Variants in NOX4 observed in about 807,000 individuals in gnomAD.
The protein encoded by NOX4 is NADPH oxidase 4, also known as kidney oxidase-1.
NOX4 carries 69 observed loss-of-function variants against 87.6 expected under a neutral mutation model. The ratio of observed to expected loss-of-function variants is 0.79; its 90% CI spans 0.65 to 0.96. The LOEUF is 0.96. NOX4 is among the 40% of genes least tolerant of loss of function. The pLI is 0.00. For missense variants in NOX4, 680 were observed against 681.5 expected (o/e 1.00, Z 0.02); for synonymous variants, 275 against 238.2 (o/e 1.15, Z -1.42).
intron 13 of NOX4, among the ~76,000 whole-genome samples, chr11:89,345,825 C>A (rs1946192920): frequency 6.6e-6 from 1 of 152,102 alleles, no homozygotes; most frequent in Non-Finnish European, 1.5e-5. Context: ...CTATGACAAA[C>A]CCACAACCAA....
the NOX4 span, among the ~76,000 whole-genome samples, chr11:89,513,022 A>G: frequency 1.3e-5 from 2 of 152,092 alleles, no homozygotes; most frequent in Non-Finnish European, 2.9e-5. Context: ...CTCTGAAACT[A>G]TAATATTTTC....
At chr11:89,568,319 A>G in the NOX4 span, among the ~76,000 whole-genome samples, 1 of 152,242 alleles carries the variant, frequency 6.6e-6, no homozygotes, top group East Asian at 1.9e-4. Flanking sequence ...CTTTGAAAGA[A>G]TAAGATTGAT....
chr11:89,384,376 A>G (rs1365873521), intron 11 of NOX4, among the ~76,000 whole-genome samples: 1 of 152,110 alleles, frequency 6.6e-6, no homozygotes, highest in Non-Finnish European at 1.5e-5. Flanking sequence ...GACAGCCCCC[A>G]TTACTTCCGT....
chr11:89,373,277 C>CAAAAAAA (rs144113376), intron 12 of NOX4, among the ~76,000 whole-genome samples, 155 bp downstream of exon 12: 17 of 59,078 alleles, frequency 2.9e-4, no homozygotes, highest in East Asian at 6.0e-4. Context: ...ACTGTACAAG[C>CAAAAAAA]AAAAAAAAAA....
the NOX4 span, among the ~76,000 whole-genome samples, chr11:89,584,897 C>A: frequency 6.6e-6 from 1 of 152,160 alleles, no homozygotes; most frequent in South Asian, 2.1e-4. Flanking sequence ...TGCTCATATA[C>A]AATGATTGTC....
intron 11 of NOX4, among the ~76,000 whole-genome samples, chr11:89,373,907 A>G (rs906608726): frequency 1.3e-5 from 2 of 151,974 alleles, no homozygotes; most frequent in African/African-American, 4.8e-5. Flanking sequence ...AATTCCAGGG[A>G]GAAAAAAATT....
chr11:89,587,526 A>C, the NOX4 span, among the ~76,000 whole-genome samples: 1 of 152,038 alleles, frequency 6.6e-6, no homozygotes, highest in Non-Finnish European at 1.5e-5. Context: ...GAGGAAAACT[A>C]CCAGGGCATA....
chr11:89,480,759 A>T (rs1946362782), intron 2 of NOX4, among the ~76,000 whole-genome samples: 1 of 152,138 alleles, frequency 6.6e-6, no homozygotes, highest in Admixed American at 6.6e-5. Flanking sequence ...AAAGATTGCA[A>T]TGAAAGCTAG....
At chr11:89,461,652 A>AAATAAATAAATAAATAAATG (rs1168018333) in intron 2 of NOX4, among the ~76,000 whole-genome samples, 21 of 151,536 alleles carry the variant, frequency 1.4e-4, no homozygotes, top group African/African-American at 4.8e-4. Context: ...CTCAAAAAAT[A>AAATAAATAAATAAATAAATG]AATAAATAAA....
chr11:89,563,648 T>C, the NOX4 span, among the ~76,000 whole-genome samples: 14 of 152,218 alleles, frequency 9.2e-5, no homozygotes, highest in Non-Finnish European at 1.8e-4. Context: ...ATGACAAATT[T>C]AGTAACTTTA....
chr11:89,427,299 T>A (rs571973910), intron 7 of NOX4, among the ~76,000 whole-genome samples: 1 of 152,060 alleles, frequency 6.6e-6, no homozygotes, highest in African/African-American at 2.4e-5. Context: ...AGCTGAAAAT[T>A]CTAAAAATCA....
chr11:89,584,151 C>T, the NOX4 span, among the ~76,000 whole-genome samples: 10 of 152,206 alleles, frequency 6.6e-5, 1 homozygote, highest in African/African-American at 1.9e-4. Context: ...TTCTCATTCC[C>T]TCAGGCAGAA....
At chr11:89,519,970 A>G in the NOX4 span, among the ~76,000 whole-genome samples, 1 of 152,006 alleles carries the variant, frequency 6.6e-6, no homozygotes, top group African/African-American at 2.4e-5. Flanking sequence ...TATATATTGG[A>G]TATAATAAAG....
intron 17 of NOX4, 74 bp downstream of exon 17, chr11:89,335,771 C>T (rs1022488158): frequency 1.5e-5 from 10 of 675,554 alleles, no homozygotes; most frequent in Admixed American, 3.2e-5. Context: ...CATTTTCAAA[C>T]TTCATGTAAT....
the NOX4 span, chr11:89,577,697 A>C: frequency 6.6e-6 from 1 of 152,176 alleles, no homozygotes; most frequent in African/African-American, 2.4e-5. Flanking sequence ...GCAACACAGA[A>C]CTGCTTCTCT....
intron 12 of NOX4, among the ~76,000 whole-genome samples, chr11:89,370,264 A>G (rs1180358309): frequency 6.6e-6 from 1 of 152,036 alleles, no homozygotes; most frequent in African/African-American, 2.4e-5. Context: ...TAGAAACATC[A>G]TGTGATACAT....
At chr11:89,429,234 C>A (rs1943636338) in intron 7 of NOX4, among the ~76,000 whole-genome samples, 1 of 152,070 alleles carries the variant, frequency 6.6e-6, no homozygotes, top group African/African-American at 2.4e-5. Context: ...ATTTATAGCA[C>A]TAAATGTCCA....
chr11:89,390,017 T>A (rs1416934647), intron 11 of NOX4, among the ~76,000 whole-genome samples: 4 of 152,210 alleles, frequency 2.6e-5, no homozygotes, highest in Non-Finnish European at 5.9e-5. Context: ...GACAAAGATG[T>A]GATACTCACT....
At chr11:89,343,851 T>C (rs1000191427) in intron 13 of NOX4, among the ~76,000 whole-genome samples, 8 of 152,072 alleles carry the variant, frequency 5.3e-5, no homozygotes, top group African/African-American at 1.7e-4. Context: ...TTATGAAGGA[T>C]TGTGTATCTA....
Sources: gnomAD v4.1 joint callset for allele counts (sites outside exome capture counted in the v4.1 genomes callset) on GRCh38, gnomAD v4.1.1 for gene constraint, MANE v1.5 for transcripts, NCBI Gene and HGNC (gene_info 2026-07-23, HGNC 2026-07-21) for gene names.